Variants in CHST5 observed in about 807,000 individuals in gnomAD.
CHST5 encodes carbohydrate sulfotransferase 5.
For synonymous variants in CHST5, 313 were observed against 279.2 expected, an observed-to-expected ratio of 1.12 and a Z score of -1.21; for missense variants, 637 against 602.1, an observed-to-expected ratio of 1.06 and a Z score of -0.61.
At chr16:75,532,216 T>C (rs1453459529) in intron 3 of CHST5, among the ~76,000 whole-genome samples, 1 of 152,078 alleles carries the variant, frequency 6.6e-6, no homozygotes, top group Admixed American at 6.6e-5. Context: ...CCACCTACCC[T>C]TCCAATCCCT....
chr16:75,529,351 G>T lies in CHST5; in HGVS notation c.1034C>A (p.Ser345Tyr). ...CTGGGAGACGTTGCGCGCATTCCTA[G>T]ACGAAGTATGGAAGGCCTCGATTGG... is the stretch of plus-strand genomic sequence containing the variant. ...GKPIEAFHTS[S>Y]RNARNVSQAW... is the part of the protein sequence containing the mutation. The change falls in exon 4 of 4, where the codon TCT (serine) becomes TAT (tyrosine). Residue 345 changes from serine (S) to tyrosine (Y), a missense_variant. Coordinates refer to ENST00000336257, the MANE Select transcript of CHST5 (RefSeq NM_024533.5). 6.2e-7 allele frequency: 1 copy of T among 1,613,248 alleles called. No individual in the cohort carries two copies. The highest frequency in any genetic ancestry group is 8.5e-7 in the Non-Finnish European group (1 of 1,179,910).
rs556693183 is a variant in CHST5, at chr16:75,533,366, G to C, written c.-1351-183C>G. ...GTTTTAATTGAAGCAGTGGGGCTCA[G>C]AGACATTAATACCCAGTAAGAAAGA... On this transcript the variant is annotated intron_variant, in intron 2 of 3. Transcript: ENST00000336257. Among the ~76,000 whole-genome samples, 3 of 152,212 alleles carry C rather than the reference G, an allele frequency of 2.0e-5. No homozygotes were observed. The South Asian group carries it at 6.2e-4, about 32-fold the overall frequency.
At position 75,529,904 on chromosome 16, in the gene CHST5, G is replaced by C. The variant is rs753930902; in HGVS notation, c.481C>G (p.Pro161Ala). Reference sequence around the variant, plus strand: ...TCCTGCTTGCTGATGGTGCCTCGGGGAAAGGCGCTGCAGGCGGGCGGCGAG... The same window carrying C: ...TCCTGCTTGCTGATGGTGCCTCGGGCAAAGGCGCTGCAGGCGGGCGGCGAG... ...LCSPPACSAFPRGTISKQDVC... is the reference protein window; with the variant it reads ...LCSPPACSAFARGTISKQDVC... Residue 161 changes from proline to alanine, a missense_variant, in exon 4 of 4, where the codon CCC becomes GCC. Physicochemically the swap from Pro to Ala is conservative, Grantham distance 27. Coordinates refer to ENST00000336257, the MANE Select transcript of CHST5 (RefSeq NM_024533.5). 6.2e-6 allele frequency: 10 copies of C among 1,613,488 alleles called. No individual in the cohort carries two copies. Among genetic ancestry groups the C allele is most frequent in the Admixed American group, 3.3e-5 (2 of 60,020 alleles).
chr16:75,533,412 C>A (rs1032639205), intron 2 of CHST5, among the ~76,000 whole-genome samples: 2 of 152,056 alleles, frequency 1.3e-5, no homozygotes, highest in African/African-American at 4.8e-5. Flanking sequence ...GGGCTTAAGT[C>A]CAAGAGCCAG....
rs1412122154 is a variant in CHST5, at chr16:75,529,856, G to A, written c.529C>T (p.Arg177Trp). 1.9e-6 allele frequency: 3 copies of A among 1,613,430 alleles called. No individual in the cohort carries two copies. In the South Asian group the frequency reaches 3.3e-5, roughly 18 times the overall value. Reference protein sequence around the residue: ...KQDVCKTLCTRQPFSLAREAC... With the variant: ...KQDVCKTLCTWQPFSLAREAC... ...TCCCGGGCCAGGCTGAATGGCTGCC[G>A]CGTGCACAGTGTCTTGCATACGTCC... The change falls in exon 4 of 4, where the codon CGG (arginine) becomes TGG (tryptophan). Residue 177 changes from arginine (R) to tryptophan (W), a missense_variant. Arg to Trp is a moderately radical substitution (Grantham distance 101). Transcript: ENST00000336257.
Position 75,531,016 on chromosome 16 carries a change from A to C in CHST5, c.-632T>G, listed in dbSNP as rs1237705461. 1.0e-6 allele frequency: 1 copy of C among 1,000,994 alleles called. No homozygotes were observed. Among genetic ancestry groups the C allele is most frequent in the Admixed American group, 6.1e-5 (1 of 16,360 alleles). The allele number at this position is 1,000,994 out of a possible 1,614,324, so 62.0% of individuals were successfully genotyped here. On this transcript the variant is annotated 5_prime_UTR_variant, in exon 4 of 4. Transcript: ENST00000336257. ...TGCTTCTGTATTATATAATTTTTTT[A>C]ACAGGCAGGTATAAAACTTTTGTCA...
rs1365086241 is a variant in CHST5 at position 75,530,064 on chromosome 16, C to G, written c.321G>C (p.Ala107=). 1 of 1,613,364 alleles carries G rather than the reference C, an allele frequency of 6.2e-7. No homozygotes were observed. Among genetic ancestry groups the G allele is most frequent in the Non-Finnish European group, 8.5e-7 (1 of 1,179,924 alleles). The change falls in exon 4 of 4, where the codon GCG becomes GCC. Residue 107 remains alanine (A), a synonymous_variant. Transcript: ENST00000336257. ...HVWTTLSQGS[A]ATLHMAVRDL... ...CGCGCACGGCCATGTGCAGCGTTGCCGCGCTGCCCTGCGACAGGGTGGTCC... is the reference window on the plus strand; with the variant it reads ...CGCGCACGGCCATGTGCAGCGTTGCGGCGCTGCCCTGCGACAGGGTGGTCC...
At chr16:75,534,656 A>G (rs2080548526) in intron 2 of CHST5, among the ~76,000 whole-genome samples, 1 of 152,110 alleles carries the variant, frequency 6.6e-6, no homozygotes, top group Admixed American at 6.5e-5. Context: ...AAACAAACAA[A>G]CAAACAAACA....
At position 75,531,094 on chromosome 16, in the gene CHST5, G is replaced by A. The variant is rs938837638; in HGVS notation, c.-710C>T. 1.2e-4 allele frequency: 114 copies of A among 971,208 alleles called. No individual in the cohort carries two copies. The highest frequency in any genetic ancestry group is 1.4e-4 in the Non-Finnish European group (109 of 803,938). 60.2% of individuals were successfully genotyped at this position (971,208 alleles called of 1,614,324 possible). A position where few individuals can be genotyped will look rare whatever the true frequency, so the allele number is the denominator to read the frequency against. On this transcript the variant is annotated 5_prime_UTR_variant, in exon 4 of 4. Coordinates refer to ENST00000336257, the MANE Select transcript of CHST5 (RefSeq NM_024533.5). ...TCCCAGCATTATGGGAGGCCGAGGC[G>A]GGCGGATCACGAGGTCAGGAGATCG...
intron 1 of CHST5, among the ~76,000 whole-genome samples, chr16:75,535,825 T>G (rs1157678767): frequency 2.6e-5 from 4 of 152,184 alleles, no homozygotes; most frequent in African/African-American, 7.2e-5. Context: ...GCAGAGTCAC[T>G]TCTCATCTAA....
chr16:75,530,129 G>T lies in CHST5; in HGVS notation c.256C>A (p.Pro86Thr). ...GGCTCCATCAGGTAGAAGACGTCGG[G>T]GTGCTGGCTGAAGAGCTGGCCCAAG... is the stretch of plus-strand genomic sequence containing the variant. ...SFLGQLFSQH[P>T]DVFYLMEPAW... The change falls in exon 4 of 4, where the codon CCC (proline) becomes ACC (threonine). Residue 86 changes from proline (P) to threonine (T), a missense_variant. Coordinates refer to ENST00000336257, the MANE Select transcript of CHST5 (RefSeq NM_024533.5). 1 of 1,613,562 alleles carries T rather than the reference G, an allele frequency of 6.2e-7. No individual in the cohort carries two copies. Among genetic ancestry groups the T allele is most frequent in the Non-Finnish European group, 8.5e-7 (1 of 1,179,998 alleles).
rs2080536985 is a variant in CHST5, at chr16:75,533,128, G to C, written c.-1296C>G. The C allele has an allele frequency of 4.3e-6, 3 of 702,370 alleles. No individual in the cohort carries two copies. Among genetic ancestry groups the C allele is most frequent in the Non-Finnish European group, 5.2e-6 (2 of 384,832 alleles). The allele number at this position is 702,370 out of a possible 1,614,324, so 43.5% of individuals were successfully genotyped here. ...AGCCAGAGGTCTTCTTAAGGTGGTT[G>C]AATCACTCTATGCCACACAGAGTCT... is the stretch of plus-strand genomic sequence containing the variant. On this transcript the variant is annotated 5_prime_UTR_variant, in exon 3 of 4. Transcript: ENST00000336257.
chr16:75,531,499 G>T lies in CHST5; in HGVS notation c.-1115C>A. ...CTGTGGGTTTGCAAGAAGATCAGTT[G>T]ATGGGGAGCTGGGATGGAGCCCAAG... On this transcript the variant is annotated 5_prime_UTR_variant, in exon 4 of 4. Coordinates refer to ENST00000336257, the MANE Select transcript of CHST5 (RefSeq NM_024533.5). 7.7e-7 allele frequency: 1 copy of T among 1,296,176 alleles called. No individual in the cohort carries two copies. Among genetic ancestry groups the T allele is most frequent in the South Asian group, 1.2e-5 (1 of 80,310 alleles). 80.3% of individuals were successfully genotyped at this position (1,296,176 alleles called of 1,614,324 possible).
intron 2 of CHST5, among the ~76,000 whole-genome samples, chr16:75,534,130 C>G (rs1322175483): frequency 2.0e-5 from 3 of 151,880 alleles, no homozygotes; most frequent in Non-Finnish European, 2.9e-5. Flanking sequence ...GGGTAGATCA[C>G]CTGAGGTCAG....
At chr16:75,534,140 G>C (rs1284086324) in intron 2 of CHST5, among the ~76,000 whole-genome samples, 1 of 152,030 alleles carries the variant, frequency 6.6e-6, no homozygotes, top group African/African-American at 2.4e-5. Context: ...CCTGAGGTCA[G>C]GAGTTCAAGA....
chr16:75,530,114 G>A lies in CHST5; in HGVS notation c.271C>T (p.Leu91=), dbSNP rs1047988868. The A allele has an allele frequency of 6.2e-7, 1 of 1,613,478 alleles. No homozygotes were observed. The highest frequency in any genetic ancestry group is 8.5e-7 in the Non-Finnish European group (1 of 1,179,978). The stretch of plus-strand genomic sequence containing the variant: ...CACACATGCCACGCGGGCTCCATCA[G>A]GTAGAAGACGTCGGGGTGCTGGCTG... ...LFSQHPDVFY[L]MEPAWHVWTT... The change falls in exon 4 of 4, where the codon CTG becomes TTG. Residue 91 remains leucine, a synonymous_variant. Transcript: ENST00000336257.
chr16:75,529,345 T>A lies in CHST5; in HGVS notation c.1040A>T (p.Asn347Ile). Residue 347 changes from asparagine (N) to isoleucine (I), a missense_variant, in exon 4 of 4, where the codon AAT becomes ATT. By Grantham distance (149) the Asn-to-Ile change is moderately radical. Coordinates refer to ENST00000336257, the MANE Select transcript of CHST5 (RefSeq NM_024533.5). ...CCAGGCCTGGGAGACGTTGCGCGCA[T>A]TCCTAGACGAAGTATGGAAGGCCTC... ...PIEAFHTSSR[N>I]ARNVSQAWRH... 1.9e-6 allele frequency: 3 copies of A among 1,613,192 alleles called. No individual in the cohort carries two copies. Among genetic ancestry groups the A allele is most frequent in the Non-Finnish European group, 2.5e-6 (3 of 1,179,892 alleles).
intron 3 of CHST5, among the ~76,000 whole-genome samples, chr16:75,531,907 G>A (rs896204780): frequency 2.6e-5 from 4 of 152,180 alleles, no homozygotes; most frequent in African/African-American, 7.2e-5. Context: ...CTGATGGATG[G>A]AAGCGAGAGA....
chr16:75,528,797 C>T lies in CHST5; in HGVS notation c.*352G>A. ...TCCTGACCTCAGGTGATCCACCCGC[C>T]TCAGCCTCTCAAAATGCTGGGATTA... On this transcript the variant is annotated 3_prime_UTR_variant, in exon 4 of 4. Coordinates refer to ENST00000336257, the MANE Select transcript of CHST5 (RefSeq NM_024533.5). 5.3e-6 allele frequency: 1 copy of T among 188,410 alleles called. No homozygotes were observed. Among genetic ancestry groups the T allele is most frequent in the Non-Finnish European group, 1.1e-5 (1 of 90,694 alleles). The allele number at this position is 188,410 out of a possible 1,614,324, so 11.7% of individuals were successfully genotyped here. A position where few individuals can be genotyped will look rare whatever the true frequency, so the allele number is the denominator to read the frequency against.
Sources: gnomAD v4.1 joint callset for allele counts (sites outside exome capture counted in the v4.1 genomes callset) on GRCh38, gnomAD v4.1.1 for gene constraint, MANE v1.5 for transcripts, NCBI Gene and HGNC (gene_info 2026-07-23, HGNC 2026-07-21) for gene names.